The following PRPF4 variants were observed in gnomAD, a reference collection of about 807,000 sequenced individuals.
The protein encoded by PRPF4 is U4/U6 small nuclear ribonucleoprotein Prp4.
PRPF4 carries 14 observed loss-of-function variants against 72.2 expected under a neutral mutation model. The ratio of observed to expected loss-of-function variants is 0.19; its 90% CI spans 0.13 to 0.30. The LOEUF (loss-of-function observed/expected upper bound fraction) is 0.30. Among genes scored for constraint, PRPF4 ranks in the 10% least tolerant of loss-of-function variants. The pLI is 1.00. For synonymous variants in PRPF4, 225 were observed against 232.2 expected, an observed-to-expected ratio of 0.97 and a Z score of 0.28; for missense variants, 478 against 653.9, an observed-to-expected ratio of 0.73 and a Z score of 2.93.
chr9:113,284,519 A>T (rs1564251327), intron 7 of PRPF4, 130 bp downstream of exon 7: 6 of 759,648 alleles, frequency 7.9e-6, no homozygotes, highest in South Asian at 6.3e-5. Flanking sequence ...CAAACTACAG[A>T]TGTCAGTCAG....
chr9:113,281,996 A>G (rs1293438237), intron 3 of PRPF4, among the ~76,000 whole-genome samples: 1 of 152,218 alleles, frequency 6.6e-6, no homozygotes, highest in African/African-American at 2.4e-5. Context: ...TATCCAGTAC[A>G]TTGTGGCACT....
rs372166225 is a variant in PRPF4 at position 113,285,573 on chromosome 9, T to G, written c.750-659T>G. On this transcript the variant is annotated intron_variant, in intron 7 of 13. Transcript: ENST00000374198. ...TTTTGTATTTTTAGTAGAGACAGGG[T>G]TTCACCGTGTTAGCCAGGATGGGCT... Among the ~76,000 whole-genome samples, 845 of 151,446 alleles carry G rather than the reference T, an allele frequency of 5.6e-3. 7 individuals are homozygous for G. Among genetic ancestry groups the G allele is most frequent in the African/African-American group, 0.019 (794 of 41,314 alleles).
chr9:113,275,725 C>G lies in PRPF4; in HGVS notation c.-19C>G. 1.9e-6 allele frequency: 3 copies of G among 1,608,808 alleles called. No individual in the cohort carries two copies. Among genetic ancestry groups the G allele is most frequent in the Non-Finnish European group, 2.5e-6 (3 of 1,177,496 alleles). On this transcript the variant is annotated 5_prime_UTR_variant, in exon 1 of 14. Coordinates refer to ENST00000374198, the MANE Select transcript of PRPF4 (RefSeq NM_001244926.2). ...GAGTGTTCGGGTTTCGCTGGGGCCTCGCGGCTCCAGAGCCCAGCATGGCTT... is the reference window on the plus strand; with the variant it reads ...GAGTGTTCGGGTTTCGCTGGGGCCTGGCGGCTCCAGAGCCCAGCATGGCTT...
At chr9:113,278,883 T>G in intron 2 of PRPF4, 62 bp from the exon 3 acceptor site, 1 of 1,543,844 alleles carries the variant, frequency 6.5e-7, no homozygotes, top group Non-Finnish European at 8.9e-7. Flanking sequence ...CTGCAATTAC[T>G]AGAAATTATT....
intron 5 of PRPF4, 51 bp from the exon 6 acceptor site, chr9:113,283,338 G>A: frequency 6.2e-7 from 1 of 1,613,276 alleles, no homozygotes; most frequent in South Asian, 1.1e-5. Context: ...ATACATGTGG[G>A]TCCTTGTTTA....
chr9:113,279,086 A>G lies in PRPF4; in HGVS notation c.347A>G (p.Glu116Gly). 6.2e-7 allele frequency: 1 copy of G among 1,614,106 alleles called. No homozygotes were observed. Among genetic ancestry groups the G allele is most frequent in the Non-Finnish European group, 8.5e-7 (1 of 1,179,980 alleles). Residue 116 changes from glutamate (E) to glycine (G), a missense_variant, in exon 3 of 14, where the codon GAA becomes GGA. By Grantham distance (98) the Glu-to-Gly change is moderately conservative (BLOSUM62 -2). Coordinates refer to ENST00000374198, the MANE Select transcript of PRPF4 (RefSeq NM_001244926.2). ...EVKACLRALG[E>G]PITLFGEGPA... ...AAAGCTTGCCTTAGAGCCTTGGGGGAACCCATCACACTTTTTGGAGAGGGT... is the reference window on the plus strand; with the variant it reads ...AAAGCTTGCCTTAGAGCCTTGGGGGGACCCATCACACTTTTTGGAGAGGGT...
intron 2 of PRPF4, 46 bp from the exon 3 acceptor site, chr9:113,278,899 C>A (rs190541249): frequency 6.3e-7 from 1 of 1,575,980 alleles, no homozygotes. Context: ...TTATTTCTCT[C>A]TATTTGAAGA....
At chr9:113,290,875 T>C in intron 12 of PRPF4, 23 bp from the exon 13 acceptor site, 1 of 1,613,130 alleles carries the variant, frequency 6.2e-7, no homozygotes. Flanking sequence ...ATTTCTAACT[T>C]CAATACTGCA....
chr9:113,291,716 C>A lies in PRPF4; in HGVS notation c.*56C>A. 1 of 1,536,976 alleles carries A rather than the reference C, an allele frequency of 6.5e-7. No individual in the cohort carries two copies. The highest frequency in any genetic ancestry group is 1.2e-5 in the South Asian group (1 of 86,736). On this transcript the variant is annotated 3_prime_UTR_variant, in exon 14 of 14. Coordinates refer to ENST00000374198, the MANE Select transcript of PRPF4 (RefSeq NM_001244926.2). ...GCTCTCTCTAAGGAGCTGTTTTCCT[C>A]AAACGAGAAGAATTGAAGTGTTTAG...
Position 113,288,162 on chromosome 9 carries a change from G to T in PRPF4, c.933-13G>T. On this transcript the variant is annotated splice_polypyrimidine_tract_variant and intron_variant, in intron 9 of 13. Coordinates refer to ENST00000374198, the MANE Select transcript of PRPF4 (RefSeq NM_001244926.2). ...TGTCTATAAAATTGTTTATATGTTT[G>T]GTTCCTTTCCAGTGATGAACCAGTG... 6.2e-7 allele frequency: 1 copy of T among 1,613,370 alleles called. No homozygotes were observed. Among genetic ancestry groups the T allele is most frequent in the Non-Finnish European group, 8.5e-7 (1 of 1,179,370 alleles).
chr9:113,282,580 T>C (rs1046528369), intron 3 of PRPF4, 66 bp from the exon 4 acceptor site: 2 of 1,236,812 alleles, frequency 1.6e-6, no homozygotes, highest in African/African-American at 3.0e-5. Flanking sequence ...TGTGTTAAAG[T>C]GTACTTTAAA....
intron 2 of PRPF4, 110 bp downstream of exon 2, chr9:113,276,835 A>T (rs1588007357): frequency 9.3e-5 from 106 of 1,145,306 alleles, no homozygotes; most frequent in East Asian, 1.3e-4. Flanking sequence ...TTTTTTTTTT[A>T]AACAGAGTCT....
intron 10 of PRPF4, among the ~76,000 whole-genome samples, chr9:113,290,255 A>G (rs1832569988): frequency 6.6e-6 from 1 of 151,756 alleles, no homozygotes; most frequent in South Asian, 2.1e-4. Context: ...AGAGGTTTAC[A>G]GCGATTCCAT....
intron 5 of PRPF4, 40 bp downstream of exon 5, chr9:113,283,251 T>A: frequency 6.2e-7 from 1 of 1,614,086 alleles, no homozygotes; most frequent in Non-Finnish European, 8.5e-7. Context: ...GCATATTTTT[T>A]GTGTGTGTTT....
At chr9:113,285,450 C>T (rs371041677) in intron 7 of PRPF4, among the ~76,000 whole-genome samples, 1 of 136,840 alleles carries the variant, frequency 7.3e-6, no homozygotes, top group South Asian at 2.4e-4. Context: ...GCGATCTCGG[C>T]TCACTGCAAG....
chr9:113,278,444 G>T (rs1832180944), intron 2 of PRPF4, among the ~76,000 whole-genome samples: 1 of 152,198 alleles, frequency 6.6e-6, no homozygotes, highest in South Asian at 2.1e-4. Context: ...TTGTATTTTG[G>T]TGTGGGTTTC....
At position 113,286,212 on chromosome 9, in the gene PRPF4, C is replaced by T; in HGVS notation, c.750-20C>T. On this transcript the variant is annotated intron_variant, in intron 7 of 13. Transcript: ENST00000374198. ...TCCCAGACCAACCCTGGCTGAGATGCTTTCCTTTGTATTTGATAGGAGTGG... is the reference window on the plus strand; with the variant it reads ...TCCCAGACCAACCCTGGCTGAGATGTTTTCCTTTGTATTTGATAGGAGTGG... The T allele has an allele frequency of 6.2e-7, 1 of 1,613,990 alleles. No individual in the cohort carries two copies. Among genetic ancestry groups the T allele is most frequent in the Non-Finnish European group, 8.5e-7 (1 of 1,179,870 alleles).
At chr9:113,286,426 G>C in intron 8 of PRPF4, 136 bp downstream of exon 8, 1 of 947,312 alleles carries the variant, frequency 1.1e-6, no homozygotes, top group South Asian at 1.5e-5. Flanking sequence ...TTCTCTGGCT[G>C]CAAGACTGGA....
In PRPF4 at chr9:113,276,655, A is replaced by G; in HGVS notation, c.135A>G (p.Gly45=). Residue 45 remains glycine, a synonymous_variant, in exon 2 of 14, where the codon GGA becomes GGG. Transcript: ENST00000374198. ...AGGAGAGGGAGCGTCTGGCCAAAGG[A>G]GAGTCTGGGATTTTGGGGAAAGACG... is the stretch of plus-strand genomic sequence containing the variant. ...EEKERERLAK[G]ESGILGKDGL... 1 of 1,614,092 alleles carries G rather than the reference A, an allele frequency of 6.2e-7. No individual in the cohort carries two copies. The highest frequency in any genetic ancestry group is 1.1e-5 in the South Asian group (1 of 91,078).
Sources: gnomAD v4.1 joint callset for allele counts (sites outside exome capture counted in the v4.1 genomes callset) on GRCh38, gnomAD v4.1.1 for gene constraint, MANE v1.5 for transcripts, NCBI Gene and HGNC (gene_info 2026-07-23, HGNC 2026-07-21) for gene names.